The following FKBP15 variants were observed in gnomAD, a reference collection of about 807,000 sequenced individuals.
FKBP15 encodes the protein FKBP prolyl isomerase family member 15.
FKBP15 carries 106 observed loss-of-function variants against 158.1 expected under a neutral mutation model. The ratio of observed to expected loss-of-function variants is 0.67; its 90% confidence interval spans 0.57 to 0.79. FKBP15 has a LOEUF of 0.79. Among genes scored for constraint, FKBP15 ranks in the 30% least tolerant of loss-of-function variants. FKBP15 has a pLI of 0.00. For synonymous variants in FKBP15, 547 were observed against 548.6 expected (o/e 1.00, Z 0.04); for missense variants, 1,287 against 1,479.1 (o/e 0.87, Z 2.13).
rs1830050501 is a variant in FKBP15 at position 113,163,523 on chromosome 9, A to T, written c.*2555T>A. 2 of 152,652 alleles carry T rather than the reference A, an allele frequency of 1.3e-5. No homozygotes were observed. Among genetic ancestry groups the T allele is most frequent in the Non-Finnish European group, 2.9e-5 (2 of 68,032 alleles). The allele number at this position is 152,652 out of a possible 1,614,324, so 9.5% of individuals were successfully genotyped here. A position where few individuals can be genotyped will look rare whatever the true frequency, so the allele number is the denominator to read the frequency against. On this transcript the variant is annotated 3_prime_UTR_variant, in exon 28 of 28. Coordinates refer to ENST00000238256, the MANE Select transcript of FKBP15 (RefSeq NM_015258.2). ...GTTGGCAATTTTGCACATTCATACA[A>T]AAAAATTTTTAATGAAATGATTTCA...
chr9:113,221,169 C>A, intron 1 of FKBP15, 22 bp downstream of exon 1: 3 of 1,598,532 alleles, frequency 1.9e-6, no homozygotes, highest in Non-Finnish European at 2.6e-6. Context: ...CGCCCTCCAG[C>A]GCATACTTCT....
rs564586309 is a variant in FKBP15, at chr9:113,182,875, A to C, written c.1812-7T>G. 26 of 1,610,502 alleles carry C rather than the reference A, an allele frequency of 1.6e-5. No homozygotes were observed. In the African/African-American group the frequency reaches 2.7e-4, roughly 17 times the overall value. ...GTTACTCTGCTCAACATACCTGTGA[A>C]AGAAATAGAGAAAAAGAAAACATTT... On this transcript the variant is annotated splice_polypyrimidine_tract_variant and splice_region_variant and intron_variant, in intron 18 of 27. Coordinates refer to ENST00000238256, the MANE Select transcript of FKBP15 (RefSeq NM_015258.2).
At chr9:113,219,944 G>C (rs1831217229) in intron 1 of FKBP15, among the ~76,000 whole-genome samples, 1 of 152,190 alleles carries the variant, frequency 6.6e-6, no homozygotes, top group Non-Finnish European at 1.5e-5. Flanking sequence ...AGAGTGGTGA[G>C]AGTGAAAAAG....
intron 15 of FKBP15, among the ~76,000 whole-genome samples, 191 bp downstream of exon 15, chr9:113,186,058 T>C (rs1045336752): frequency 6.6e-6 from 1 of 152,220 alleles, no homozygotes; most frequent in Admixed American, 6.5e-5. Context: ...TCTGCAAATT[T>C]ACTAAAACAC....
Position 113,188,489 on chromosome 9 carries a change from A to T in FKBP15, c.1176T>A (p.Asp392Glu). Residue 392 changes from aspartate to glutamate, a missense_variant and splice_region_variant, in exon 13 of 28, where the codon GAT becomes GAA. Coordinates refer to ENST00000238256, the MANE Select transcript of FKBP15 (RefSeq NM_015258.2). ...GCCCACCTCCTTGCAGAGTGTTCACATCCTGAAACAGGAACAAGCGTTTGG... is the reference window on the plus strand; with the variant it reads ...GCCCACCTCCTTGCAGAGTGTTCACTTCCTGAAACAGGAACAAGCGTTTGG... ...QLDSNDSEIE[D>E]VNTLQGGGQP... The T allele has an allele frequency of 6.2e-7, 1 of 1,613,552 alleles. No homozygotes were observed. Among genetic ancestry groups the T allele is most frequent in the South Asian group, 1.1e-5 (1 of 91,078 alleles).
rs1242459920 is a variant in FKBP15, at chr9:113,164,006, C to CTT, written c.*2070_*2071dup. The CTT allele has an allele frequency of 1.3e-5, 2 of 152,490 alleles. No homozygotes were observed. Among genetic ancestry groups the CTT allele is most frequent in the Non-Finnish European group, 2.9e-5 (2 of 68,032 alleles). The allele number at this position is 152,490 out of a possible 1,614,324, so 9.4% of individuals were successfully genotyped here. A position where few individuals can be genotyped will look rare whatever the true frequency, so the allele number is the denominator to read the frequency against. On this transcript the variant is annotated 3_prime_UTR_variant, in exon 28 of 28. Coordinates refer to ENST00000238256, the MANE Select transcript of FKBP15 (RefSeq NM_015258.2). Reference sequence around the variant, plus strand: ...CTCTCTGGATAGTTGAACCTCTTCACTTTATAAAAAAGGAAAGAGAGAAAA... The same window carrying CTT: ...CTCTCTGGATAGTTGAACCTCTTCACTTTTTATAAAAAAGGAAAGAGAGAAAA...
Position 113,161,591 on chromosome 9 carries a change from C to T in FKBP15, c.*4487G>A, listed in dbSNP as rs959900957. On this transcript the variant is annotated 3_prime_UTR_variant, in exon 28 of 28. Transcript: ENST00000238256. Reference sequence around the variant, plus strand: ...AGGTTGGCAAAGCCAAGCTGCTCAACCAGGTACTGGTGAACCTGCCAACCT... The same window carrying T: ...AGGTTGGCAAAGCCAAGCTGCTCAATCAGGTACTGGTGAACCTGCCAACCT... 7 of 1,614,010 alleles carry T rather than the reference C, an allele frequency of 4.3e-6. No homozygotes were observed. Among genetic ancestry groups the T allele is most frequent in the Admixed American group, 3.3e-5 (2 of 60,026 alleles).
At chr9:113,199,204 A>T (rs1479774377) in intron 7 of FKBP15, among the ~76,000 whole-genome samples, 1 of 152,184 alleles carries the variant, frequency 6.6e-6, no homozygotes, top group African/African-American at 2.4e-5. Context: ...CTTTCAAATA[A>T]ATTATCTCAT....
chr9:113,194,310 A>G (rs1830630098), intron 9 of FKBP15, 141 bp from the exon 10 acceptor site: 2 of 560,946 alleles, frequency 3.6e-6, no homozygotes, highest in South Asian at 4.6e-5. Flanking sequence ...AGATATACCT[A>G]ATGCTAGATG....
chr9:113,164,312 A>C lies in FKBP15; in HGVS notation c.*1766T>G, dbSNP rs1830065630. The C allele has an allele frequency of 6.6e-6, 1 of 152,240 alleles. No homozygotes were observed. The highest frequency in any genetic ancestry group is 2.1e-4 in the South Asian group (1 of 4,828). 9.4% of individuals were successfully genotyped at this position (152,240 alleles called of 1,614,324 possible). Reference sequence around the variant, plus strand: ...CTGCTCAGGGAAACCCAGCCCTGAAATGCTGCACCCAGGTAGACACCCCAG... The same window carrying C: ...CTGCTCAGGGAAACCCAGCCCTGAACTGCTGCACCCAGGTAGACACCCCAG... On this transcript the variant is annotated 3_prime_UTR_variant, in exon 28 of 28. Coordinates refer to ENST00000238256, the MANE Select transcript of FKBP15 (RefSeq NM_015258.2).
In FKBP15 at chr9:113,203,020, AAAG is replaced by A; in HGVS notation, c.337_339del (p.Leu113del). 6.2e-7 allele frequency: 1 copy of A among 1,611,968 alleles called. No homozygotes were observed. Among genetic ancestry groups the A allele is most frequent in the Non-Finnish European group, 8.5e-7 (1 of 1,178,852 alleles). ...GTAACTGGCTGTTGTTGACTGATAT[AAAG>A]AAGAATCCTATACTGTAGACAAGCA... On this transcript the variant is annotated inframe_deletion, in exon 5 of 28. Coordinates refer to ENST00000238256, the MANE Select transcript of FKBP15 (RefSeq NM_015258.2).
In FKBP15 at chr9:113,176,573, C is replaced by A; in HGVS notation, c.2187G>T (p.Leu729=). 1 of 1,567,006 alleles carries A rather than the reference C, an allele frequency of 6.4e-7. No homozygotes were observed. The highest frequency in any genetic ancestry group is 8.7e-7 in the Non-Finnish European group (1 of 1,153,540). ...ELKVTSLEEE[L]TDLRVEKESL... is the part of the protein sequence containing the mutation. ...ACTCCTTCTCAACTCGAAGGTCAGT[C>A]AGTTCCTCCTCCAGGGATGTCACCT... is the stretch of plus-strand genomic sequence containing the variant. The change falls in exon 21 of 28, where the codon CTG becomes CTT. Residue 729 remains leucine, a synonymous_variant. Transcript: ENST00000238256.
rs1564195437 is a variant in FKBP15 at position 113,218,380 on chromosome 9, TATATATA to T, written c.53+2804_53+2810del. On this transcript the variant is annotated intron_variant, in intron 1 of 27. Transcript: ENST00000238256. ...TCATAGAGAGGAGTAAATACAATTA[TATATATA>T]TATATATATATATATATATATATAT... Among the ~76,000 whole-genome samples the T allele has an allele frequency of 3.6e-3, 335 of 93,038 alleles. 3 individuals carry two copies. The highest frequency in any genetic ancestry group is 0.019 in the South Asian group (55 of 2,838). The allele number at this position is 93,038 out of a possible 152,430, so 61.0% of individuals were successfully genotyped here. A position where few individuals can be genotyped will look rare whatever the true frequency, so the allele number is the denominator to read the frequency against.
At chr9:113,190,321 C>T (rs1830553510) in intron 12 of FKBP15, 150 bp downstream of exon 12, 5 of 669,480 alleles carry the variant, frequency 7.5e-6, no homozygotes, top group Non-Finnish European at 1.3e-5. Flanking sequence ...AGTAGAAACA[C>T]ATGTACCAAT....
intron 2 of FKBP15, among the ~76,000 whole-genome samples, chr9:113,209,128 A>G (rs989449169): frequency 2.0e-5 from 3 of 152,120 alleles, no homozygotes; most frequent in African/African-American, 7.2e-5. Context: ...GCTCCCTGCT[A>G]AAAGTGTAAT....
chr9:113,171,795 T>TCA, intron 23 of FKBP15, 89 bp from the exon 24 acceptor site: 1 of 1,110,382 alleles, frequency 9.0e-7, no homozygotes, highest in Non-Finnish European at 1.2e-6. Context: ...AAACATCAAG[T>TCA]CTCTTTTTTT....
intron 25 of FKBP15, 46 bp from the exon 26 acceptor site, chr9:113,169,988 A>G: frequency 6.7e-7 from 1 of 1,486,124 alleles, no homozygotes; most frequent in Non-Finnish European, 8.9e-7. Context: ...GGAACACAGT[A>G]GCCACTCCTA....
chr9:113,191,407 C>T (rs897157942), intron 11 of FKBP15, among the ~76,000 whole-genome samples: 6 of 151,798 alleles, frequency 4.0e-5, no homozygotes, highest in Non-Finnish European at 7.4e-5. Context: ...GTGTAAGACA[C>T]TGAGTTTGCT....
At position 113,199,925 on chromosome 9, in the gene FKBP15, A is replaced by C. The variant is rs756859815; in HGVS notation, c.537T>G (p.Asp179Glu). 1 of 1,613,474 alleles carries C rather than the reference A, an allele frequency of 6.2e-7. No individual in the cohort carries two copies. The highest frequency in any genetic ancestry group is 8.5e-7 in the Non-Finnish European group (1 of 1,179,704). The change falls in exon 7 of 28, where the codon GAT (aspartate) becomes GAG (glutamate). Residue 179 changes from aspartate (D) to glutamate (E), a missense_variant. Coordinates refer to ENST00000238256, the MANE Select transcript of FKBP15 (RefSeq NM_015258.2). ...IAKCNSTSSL[D>E]AVLSQDLIVA... ...CAATGAGGTCCTGGGAGAGCACTGC[A>C]TCCAGGGAAGAGGTACTGTTGCACT...
Sources: allele counts gnomAD v4.1 joint callset (sites outside exome capture counted in the v4.1 genomes callset), GRCh38; gene constraint gnomAD v4.1.1; transcripts MANE v1.5; gene names NCBI Gene and HGNC (gene_info 2026-07-23, HGNC 2026-07-21).